The following USP54 variants were observed in gnomAD, a reference collection of about 807,000 sequenced individuals.
USP54 encodes ubiquitin carboxyl-terminal hydrolase 54.
USP54 carries 87 observed loss-of-function variants against 170.5 expected under a neutral mutation model. The ratio of observed to expected loss-of-function variants is 0.51; its 90% CI spans 0.43 to 0.61. The LOEUF (loss-of-function observed/expected upper bound fraction) is 0.61. Ranked by LOEUF, USP54 falls within the 20% of genes least tolerant of loss-of-function variation. The pLI, the probability that USP54 is intolerant of heterozygous loss-of-function variation, is 0.00. For missense variants in USP54, 1,786 were observed against 2,047.8 expected (o/e 0.87, Z 2.47); for synonymous variants, 655 against 742.8 (o/e 0.88, Z 1.92).
In USP54 at chr10:73,504,912, G is replaced by A. The variant is rs372251381; in HGVS notation, c.4249C>T (p.Arg1417Cys). The A allele has an allele frequency of 1.4e-4, 224 of 1,614,128 alleles. No individual in the cohort carries two copies. The South Asian group carries it at 1.6e-3, about 12-fold the overall frequency. ...GAGACAACGGTGCCACTGAGACTGC[G>A]TGAGATGCGACGTAAATTCTCTGCA... The part of the protein sequence containing the change: ...YSAENLRRIS[R>C]SLSGTVVSER... Residue 1417 changes from arginine to cysteine, a missense_variant, in exon 22 of 24, where the codon CGC (arginine) becomes TGC (cysteine). Coordinates refer to ENST00000687698, the MANE Select transcript of USP54 (RefSeq NM_001391956.1).
At chr10:73,585,582 CTAA>C (rs1221440587) in intron 1 of USP54, among the ~76,000 whole-genome samples, 4 of 152,232 alleles carry the variant, frequency 2.6e-5, no homozygotes, top group Non-Finnish European at 5.9e-5. Context: ...CCCCCATGAT[CTAA>C]TACCTTCCAC....
intron 1 of USP54, among the ~76,000 whole-genome samples, chr10:73,580,232 T>C (rs1227803122): frequency 1.3e-5 from 2 of 150,856 alleles, no homozygotes; most frequent in African/African-American, 2.4e-5. Context: ...GGCAGGAGAA[T>C]TGCTTGAAAC....
rs1241079597 is a variant in USP54, at chr10:73,563,597, C to T, written c.240+7824G>A. ...AGATTACAGGCATGCACCACCACGC[C>T]CAGCTAATTTTGTATTTTTAGTAGA... On this transcript the variant is annotated intron_variant, in intron 4 of 23. Coordinates refer to ENST00000687698, the MANE Select transcript of USP54 (RefSeq NM_001391956.1). 3.9e-5 allele frequency among the ~76,000 whole-genome samples: 6 copies of T among 152,190 alleles called. No homozygotes were observed. The East Asian group carries it at 9.7e-4, about 25-fold the overall frequency.
intron 4 of USP54, among the ~76,000 whole-genome samples, chr10:73,557,112 C>A (rs763074519): frequency 1.3e-5 from 2 of 152,102 alleles, no homozygotes; most frequent in African/African-American, 4.8e-5. Flanking sequence ...GATTTCCTAT[C>A]CTGAACAGAG....
At chr10:73,501,853 T>C (rs1455626981) in intron 22 of USP54, among the ~76,000 whole-genome samples, 2 of 152,202 alleles carry the variant, frequency 1.3e-5, no homozygotes, top group Non-Finnish European at 2.9e-5. Flanking sequence ...CATACTTTCA[T>C]ATCACTGAGA....
At position 73,542,553 on chromosome 10, in the gene USP54, G is replaced by A. The variant is rs552575333; in HGVS notation, c.572+250C>T. Among the ~76,000 whole-genome samples, 75 of 152,206 alleles carry A rather than the reference G, an allele frequency of 4.9e-4. No individual in the cohort carries two copies. In the South Asian group the frequency reaches 0.011, roughly 22 times the overall value. ...AGCCTGACCAACATGATGAAACACC[G>A]TCCTGCTAAAAACACAAAAAAATTA... On this transcript the variant is annotated intron_variant, in intron 7 of 23. Transcript: ENST00000687698.
At chr10:73,567,025 C>T (rs908309971) in intron 4 of USP54, among the ~76,000 whole-genome samples, 10 of 151,818 alleles carry the variant, frequency 6.6e-5, no homozygotes, top group Middle Eastern at 3.4e-3. Flanking sequence ...TACAAGCATG[C>T]GCCACCACAC....
In USP54 at chr10:73,563,595, G is replaced by A. The variant is rs372758550; in HGVS notation, c.240+7826C>T. 3.0e-3 allele frequency among the ~76,000 whole-genome samples: 462 copies of A among 152,080 alleles called. 1 individual carries two copies. The highest frequency in any genetic ancestry group is 5.5e-3 in the Non-Finnish European group (371 of 67,996). ...TGAGATTACAGGCATGCACCACCAC[G>A]CCCAGCTAATTTTGTATTTTTAGTA... On this transcript the variant is annotated intron_variant, in intron 4 of 23. Coordinates refer to ENST00000687698, the MANE Select transcript of USP54 (RefSeq NM_001391956.1).
At chr10:73,516,033 C>T (rs147188013) in intron 20 of USP54, 3,257 of 182,092 alleles carry the variant, frequency 0.018, 82 homozygotes, top group Non-Finnish European at 0.02. Flanking sequence ...CTGCCCGCCT[C>T]GACCTCCCAA....
At chr10:73,512,760 A>C (rs1359423187) in intron 20 of USP54, among the ~76,000 whole-genome samples, 1 of 152,228 alleles carries the variant, frequency 6.6e-6, no homozygotes, top group Non-Finnish European at 1.5e-5. Flanking sequence ...ACACTACTAG[A>C]CAAAAAAATT....
chr10:73,515,824 C>A (rs1370036944), intron 20 of USP54: 1 of 149,576 alleles, frequency 6.7e-6, no homozygotes, highest in Non-Finnish European at 1.5e-5. Flanking sequence ...ATTCTGTTAC[C>A]CAGGTTGGAG....
chr10:73,581,961 A>G (rs924877415), intron 1 of USP54, among the ~76,000 whole-genome samples: 1 of 152,244 alleles, frequency 6.6e-6, no homozygotes, highest in Non-Finnish European at 1.5e-5. Context: ...TGAAATACAG[A>G]GAATGATTCT....
chr10:73,523,689 C>A lies in USP54; in HGVS notation c.2256G>T (p.Ala752=), dbSNP rs199533863. 1.2e-6 allele frequency: 2 copies of A among 1,613,900 alleles called. No individual in the cohort carries two copies. Among genetic ancestry groups the A allele is most frequent in the South Asian group, 1.1e-5 (1 of 91,052 alleles). Residue 752 remains alanine, a synonymous_variant, in exon 17 of 24, where the codon GCG becomes GCT. Transcript: ENST00000687698. ...GTTTTCTTCGAAGTTCCTGTTCCTG[C>A]GCCCTCCTGGCCACCTCTTCCTGCA... ...DELQEEVARR[A]QEQELRRKRE... is the part of the protein sequence containing the mutation.
At chr10:73,609,790 G>A (rs1303147125) in intron 1 of USP54, among the ~76,000 whole-genome samples, 2 of 150,104 alleles carry the variant, frequency 1.3e-5, no homozygotes, top group Non-Finnish European at 2.9e-5. Context: ...GTTGCAGTGA[G>A]CCAAGATCAT....
At chr10:73,563,612 T>C (rs2073599831) in intron 4 of USP54, among the ~76,000 whole-genome samples, 1 of 151,962 alleles carries the variant, frequency 6.6e-6, no homozygotes. Context: ...TAATTTTGTA[T>C]TTTTAGTAGA....
intron 7 of USP54, 63 bp from the exon 8 acceptor site, chr10:73,541,801 T>C: frequency 6.7e-7 from 1 of 1,492,124 alleles, no homozygotes; most frequent in Non-Finnish European, 9.3e-7. Context: ...AATCAAACAT[T>C]AATGTACATT....
chr10:73,518,953 G>C (rs2061489802), intron 19 of USP54: 1 of 151,802 alleles, frequency 6.6e-6, no homozygotes, highest in African/African-American at 2.4e-5. Flanking sequence ...CAAACTCCTT[G>C]ACTCAAATAA....
chr10:73,596,478 G>C (rs2078740442), intron 1 of USP54, among the ~76,000 whole-genome samples: 1 of 151,824 alleles, frequency 6.6e-6, no homozygotes, highest in Admixed American at 6.6e-5. Context: ...AGAATGGTGT[G>C]AACCCGAGAG....
chr10:73,538,387 G>C (rs946789830), intron 10 of USP54: 2 of 151,894 alleles, frequency 1.3e-5, no homozygotes, highest in Admixed American at 6.6e-5. Context: ...CCCAAAAGGT[G>C]ATAACATCCC....
Sources: gnomAD v4.1 joint callset for allele counts (sites outside exome capture counted in the v4.1 genomes callset) on GRCh38, gnomAD v4.1.1 for gene constraint, MANE v1.5 for transcripts, NCBI Gene and HGNC (gene_info 2026-07-23, HGNC 2026-07-21) for gene names.